Variants in USP10 observed in about 807,000 individuals in gnomAD.
The protein encoded by USP10 is ubiquitin carboxyl-terminal hydrolase 10.
In USP10, 22 loss-of-function variants were observed where a neutral mutation model predicts 84.5. That is an observed-to-expected ratio of 0.26 (90% confidence interval 0.19 to 0.37). USP10 has a LOEUF of 0.37. USP10 is among the 10% of genes least tolerant of loss of function. USP10 has a pLI of 1.00. For synonymous variants in USP10, 454 were observed against 387.6 expected, an observed-to-expected ratio of 1.17 and a Z score of -2.01; for missense variants, 1,019 against 998.9, an observed-to-expected ratio of 1.02 and a Z score of -0.27.
chr16:84,758,343 G>T (rs1027864522), intron 4 of USP10, among the ~76,000 whole-genome samples: 35 of 152,148 alleles, frequency 2.3e-4, no homozygotes, highest in Non-Finnish European at 5.1e-4. Context: ...CCTTGCTGCT[G>T]ATGAGACACA....
chr16:84,775,294 G>A (rs774299), intron 13 of USP10, 69 bp downstream of exon 13: 751,189 of 1,516,368 alleles, frequency 0.5, 193,560 homozygotes, highest in Non-Finnish European at 0.54. Context: ...CTGGGCACAG[G>A]TTTGCTGCAA....
At chr16:84,733,205 C>T (rs543615944) in intron 1 of USP10, 55 of 592,200 alleles carry the variant, frequency 9.3e-5, no homozygotes, top group African/African-American at 7.7e-4. Flanking sequence ...TCAAAATAAG[C>T]TTTATCAGTT....
At chr16:84,716,946 A>G (rs1335165605) in intron 1 of USP10, among the ~76,000 whole-genome samples, 1 of 152,238 alleles carries the variant, frequency 6.6e-6, no homozygotes, top group Non-Finnish European at 1.5e-5. Context: ...AGCCATAGGG[A>G]CAGTCACTGT....
At chr16:84,717,622 G>T (rs111350281) in intron 1 of USP10, among the ~76,000 whole-genome samples, 136 of 152,262 alleles carry the variant, frequency 8.9e-4, no homozygotes, top group African/African-American at 3.1e-3. Flanking sequence ...AGGTAGGTAG[G>T]AGGAGGCCAC....
intron 2 of USP10, among the ~76,000 whole-genome samples, chr16:84,739,519 C>G (rs1910371236): frequency 6.6e-6 from 1 of 151,892 alleles, no homozygotes; most frequent in Non-Finnish European, 1.5e-5. Context: ...GTGATTCACC[C>G]ACCTCAGCCT....
chr16:84,712,131 T>C (rs1597276786), intron 1 of USP10, among the ~76,000 whole-genome samples: 1 of 152,196 alleles, frequency 6.6e-6, no homozygotes, highest in Non-Finnish European at 1.5e-5. Context: ...TTGATCTCTT[T>C]TCTGTGAGAA....
chr16:84,756,497 G>T (rs1912560377), intron 4 of USP10, among the ~76,000 whole-genome samples: 1 of 152,204 alleles, frequency 6.6e-6, no homozygotes, highest in Non-Finnish European at 1.5e-5. Context: ...GGAGGCTGAG[G>T]CAGGAAAATC....
chr16:84,720,441 T>G (rs1244612168), intron 1 of USP10, among the ~76,000 whole-genome samples: 2 of 152,144 alleles, frequency 1.3e-5, no homozygotes, highest in Non-Finnish European at 2.9e-5. Context: ...GAGTACATGG[T>G]CCGAGAAGCT....
At chr16:84,775,306 T>TTAG (rs1490655100) in intron 13 of USP10, 81 bp downstream of exon 13, 3 of 1,402,190 alleles carry the variant, frequency 2.1e-6, no homozygotes, top group Non-Finnish European at 3.0e-6. Flanking sequence ...TTGCTGCAAC[T>TTAG]TAGCATAGCG....
chr16:84,759,016 A>C (rs1204953879), intron 5 of USP10, among the ~76,000 whole-genome samples: 1 of 152,226 alleles, frequency 6.6e-6, no homozygotes, highest in African/African-American at 2.4e-5. Context: ...ATATGTTGGC[A>C]CGTGAATGAG....
intron 11 of USP10, 62 bp downstream of exon 11, chr16:84,768,420 C>G: frequency 7.1e-7 from 1 of 1,415,882 alleles, no homozygotes; most frequent in Non-Finnish European, 9.4e-7. Context: ...GGAAAGAACA[C>G]AAAATTAGGA....
chr16:84,773,662 C>T (rs920082352), intron 12 of USP10, among the ~76,000 whole-genome samples: 11 of 152,334 alleles, frequency 7.2e-5, no homozygotes, highest in African/African-American at 2.6e-4. Context: ...TGCCTTATCA[C>T]TCATCAGCCG....
intron 1 of USP10, among the ~76,000 whole-genome samples, chr16:84,714,599 C>T (rs1906757161): frequency 6.6e-6 from 1 of 152,062 alleles, no homozygotes; most frequent in Admixed American, 6.5e-5. Context: ...TTAAGGACTG[C>T]AGCGTATTCA....
intron 8 of USP10, 108 bp downstream of exon 8, chr16:84,760,383 G>C (rs1406077577): frequency 1.1e-6 from 1 of 932,120 alleles, no homozygotes; most frequent in Non-Finnish European, 1.6e-6. Flanking sequence ...AGCGCTATAA[G>C]TAGATGTAGG....
At chr16:84,702,045 CTTTTTTTTTTT>C (rs1168917308) in intron 1 of USP10, among the ~76,000 whole-genome samples, 685 of 42,644 alleles carry the variant, frequency 0.016, 11 homozygotes, top group African/African-American at 0.07. Context: ...GAGTTTCGCT[CTTTTTTTTTTT>C]TTTTTTTTTT....
intron 1 of USP10, among the ~76,000 whole-genome samples, chr16:84,711,983 G>A (rs1251477659): frequency 6.6e-6 from 1 of 152,118 alleles, no homozygotes; most frequent in African/African-American, 2.4e-5. Flanking sequence ...GCCTCCCAAT[G>A]TACTGGGGTT....
chr16:84,736,954 A>G (rs745663557), intron 2 of USP10, among the ~76,000 whole-genome samples: 2 of 151,968 alleles, frequency 1.3e-5, no homozygotes, highest in Non-Finnish European at 2.9e-5. Context: ...TCGCCCGGCT[A>G]ATTTTTTGTG....
intron 1 of USP10, among the ~76,000 whole-genome samples, chr16:84,731,325 G>A (rs1022254314): frequency 5.3e-5 from 8 of 150,858 alleles, no homozygotes; most frequent in Non-Finnish European, 8.8e-5. Flanking sequence ...GCAGGGCTAC[G>A]CCATAGGCAA....
chr16:84,745,353 A>C lies in USP10; in HGVS notation c.872A>C (p.Glu291Ala). The change falls in exon 4 of 14, where the codon GAA becomes GCA. Residue 291 changes from glutamate to alanine, a missense_variant. Transcript: ENST00000219473. ...NLGVANGQIL[E>A]SSGEGTATNG... ...GGAGTTGCTAATGGACAAATACTTGAATCCTCGGGTGAGGGCACAGCTACC... is the reference window on the plus strand; with the variant it reads ...GGAGTTGCTAATGGACAAATACTTGCATCCTCGGGTGAGGGCACAGCTACC... 1 of 1,613,186 alleles carries C rather than the reference A, an allele frequency of 6.2e-7. No individual in the cohort carries two copies. Among genetic ancestry groups the C allele is most frequent in the Non-Finnish European group, 8.5e-7 (1 of 1,179,728 alleles).
Sources: allele counts gnomAD v4.1 joint callset (sites outside exome capture counted in the v4.1 genomes callset), GRCh38; gene constraint gnomAD v4.1.1; transcripts MANE v1.5; gene names NCBI Gene and HGNC (gene_info 2026-07-23, HGNC 2026-07-21).